PCDH11X: variants seen among roughly 807,000 people sequenced by gnomAD.
The protein encoded by PCDH11X is protocadherin-11 X-linked.
PCDH11X carries 18 observed loss-of-function variants against 53.3 expected under a neutral mutation model. The ratio of observed to expected loss-of-function variants is 0.34; its 90% CI spans 0.23 to 0.50. PCDH11X has a LOEUF of 0.50. Ranked by LOEUF, PCDH11X falls within the 20% of genes least tolerant of loss-of-function variation. The pLI, the probability that PCDH11X is intolerant of heterozygous loss-of-function variation, is 0.98. For missense variants in PCDH11X, 570 were observed against 1,032.4 expected, an observed-to-expected ratio of 0.55 and a Z score of 6.14; for synonymous variants, 279 against 393.3, an observed-to-expected ratio of 0.71 and a Z score of 3.44.
chrX:92,524,263 C>T (rs558025980), intron 10 of PCDH11X, among the ~76,000 whole-genome samples: 5 of 107,318 alleles, frequency 4.7e-5, no homozygotes, highest in Admixed American at 3.1e-4. Context: ...TCTAGAGTTG[C>T]GAATCGGGGT....
intron 6 of PCDH11X, among the ~76,000 whole-genome samples, chrX:92,065,351 A>T: frequency 9.0e-6 from 1 of 111,165 alleles, no homozygotes; most frequent in South Asian, 3.8e-4. Context: ...ACTTTGATAT[A>T]CTTATATATC....
chrX:91,837,149 A>G (rs1937332625), intron 5 of PCDH11X, among the ~76,000 whole-genome samples: 1 of 107,711 alleles, frequency 9.3e-6, no homozygotes, highest in Admixed American at 1.0e-4. Context: ...AGGATATATA[A>G]TATGGGAAAA....
At chrX:91,844,046 A>C (rs1166419855) in intron 5 of PCDH11X, among the ~76,000 whole-genome samples, 1 of 111,563 alleles carries the variant, frequency 9.0e-6, no homozygotes, top group Non-Finnish European at 1.9e-5. Context: ...AAATCTATAA[A>C]GTTTGCTGAG....
chrX:92,187,735 C>A (rs560244145), intron 6 of PCDH11X, among the ~76,000 whole-genome samples: 9 of 111,803 alleles, frequency 8.0e-5, no homozygotes, highest in African/African-American at 2.9e-4. Flanking sequence ...TAGAGCATTA[C>A]CAAGTCTTAT....
Position 92,618,522 on chromosome X carries a change from A to G in PCDH11X, c.3626A>G (p.His1209Arg). ...PPVTQTIALC[H>R]SPPPIQVSAL... ...GTGACACAGACCATCGCATTGTGCC[A>G]CAGCCCACCACCGATACAGGTGTCT... Residue 1209 changes from histidine to arginine, a missense_variant, in exon 11 of 11, where the codon CAC becomes CGC. By Grantham distance (29) the His-to-Arg change is conservative. Coordinates refer to ENST00000682573, the MANE Select transcript of PCDH11X (RefSeq NM_032968.5). 1 of 1,211,289 alleles carries G rather than the reference A, an allele frequency of 8.3e-7. No individual in the cohort carries two copies. Among genetic ancestry groups the G allele is most frequent in the Non-Finnish European group, 1.1e-6 (1 of 895,299 alleles).
At chrX:92,297,316 T>G in intron 8 of PCDH11X, among the ~76,000 whole-genome samples, 1 of 102,993 alleles carries the variant, frequency 9.7e-6, no homozygotes, top group Non-Finnish European at 2.0e-5. Flanking sequence ...CTGGAGTTGA[T>G]TTTTGTATAT....
At chrX:92,277,812 G>A (rs989518756) in intron 8 of PCDH11X, among the ~76,000 whole-genome samples, 14 of 110,768 alleles carry the variant, frequency 1.3e-4, no homozygotes, top group Non-Finnish European at 2.5e-4. Context: ...AGATGGGGTT[G>A]AAGGGTACTT....
At chrX:92,157,025 C>G (rs995291527) in intron 6 of PCDH11X, among the ~76,000 whole-genome samples, 1 of 111,849 alleles carries the variant, frequency 8.9e-6, no homozygotes, top group African/African-American at 3.2e-5. Context: ...AAAAATCTGT[C>G]CCTGGAATAC....
intron 6 of PCDH11X, among the ~76,000 whole-genome samples, chrX:92,016,228 G>A: frequency 9.0e-6 from 1 of 111,093 alleles, no homozygotes; most frequent in Middle Eastern, 4.2e-3. Flanking sequence ...CACAGGCAGA[G>A]TAGATTTAGC....
At chrX:91,967,275 G>A (rs1466650460) in intron 6 of PCDH11X, among the ~76,000 whole-genome samples, 10 of 110,233 alleles carry the variant, frequency 9.1e-5, no homozygotes, top group Non-Finnish European at 1.5e-4. Flanking sequence ...TCCCCAAACC[G>A]TGGGCCATGG....
chrX:92,137,522 CAG>C (rs200348020), intron 6 of PCDH11X, among the ~76,000 whole-genome samples: 4,479 of 111,279 alleles, frequency 0.04, 201 homozygotes, highest in African/African-American at 0.14. Flanking sequence ...TTCATGGCAA[CAG>C]AGTCATTGGG....
chrX:92,036,729 T>C (rs2063131805), intron 6 of PCDH11X, among the ~76,000 whole-genome samples: 1 of 111,482 alleles, frequency 9.0e-6, no homozygotes, highest in Non-Finnish European at 1.9e-5. Flanking sequence ...GAAGCAACTT[T>C]GGAACTGGTT....
At chrX:92,337,084 A>G (rs1238660523) in intron 8 of PCDH11X, among the ~76,000 whole-genome samples, 1 of 110,316 alleles carries the variant, frequency 9.1e-6, no homozygotes, top group Non-Finnish European at 1.9e-5. Context: ...TTTAATACAT[A>G]GTAGAACCAT....
chrX:92,054,834 A>T (rs1207869746), intron 6 of PCDH11X, among the ~76,000 whole-genome samples: 1 of 107,261 alleles, frequency 9.3e-6, no homozygotes, highest in Non-Finnish European at 1.9e-5. Context: ...AAAAAAAAAA[A>T]AAAAAAAAAA....
At chrX:91,946,566 T>C (rs1341423651) in intron 6 of PCDH11X, among the ~76,000 whole-genome samples, 3 of 77,777 alleles carry the variant, frequency 3.9e-5, no homozygotes, top group Non-Finnish European at 7.3e-5. Flanking sequence ...CTCATATATA[T>C]ATATATATAT....
At chrX:91,832,915 T>C (rs1261859021) in intron 4 of PCDH11X, among the ~76,000 whole-genome samples, 57 of 103,813 alleles carry the variant, frequency 5.5e-4, no homozygotes, top group Middle Eastern at 4.8e-3. Flanking sequence ...TAAACCTGTG[T>C]CATGGGGGTT....
At chrX:92,024,395 G>T (rs1274544412) in intron 6 of PCDH11X, among the ~76,000 whole-genome samples, 1 of 110,603 alleles carries the variant, frequency 9.0e-6, no homozygotes, top group African/African-American at 3.3e-5. Flanking sequence ...GCCAAATCAT[G>T]AATGAACTCC....
At chrX:92,504,315 C>T (rs1164880143) in intron 10 of PCDH11X, among the ~76,000 whole-genome samples, 1 of 105,935 alleles carries the variant, frequency 9.4e-6, no homozygotes, top group African/African-American at 3.4e-5. Flanking sequence ...TCTTTGTGTC[C>T]ATGCATCCTT....
intron 6 of PCDH11X, among the ~76,000 whole-genome samples, chrX:92,026,141 A>C (rs2062966344): frequency 9.2e-6 from 1 of 109,184 alleles, no homozygotes; most frequent in South Asian, 4.1e-4. Flanking sequence ...TACAACAAAC[A>C]CCCATGACAC....
Sources: gnomAD v4.1 joint callset for allele counts (sites outside exome capture counted in the v4.1 genomes callset) on GRCh38, gnomAD v4.1.1 for gene constraint, MANE v1.5 for transcripts, NCBI Gene and HGNC (gene_info 2026-07-23, HGNC 2026-07-21) for gene names.